XXYLT1: variants seen among roughly 807,000 people sequenced by gnomAD.
XXYLT1 encodes the protein UDP-xylose:alpha-xyloside alpha-1,3-xylosyltransferase.
XXYLT1 carries 20 observed loss-of-function variants against 28.9 expected under a neutral mutation model. The observed-to-expected ratio is 0.69, with a 90% CI of 0.49 to 1.00. The LOEUF (loss-of-function observed/expected upper bound fraction) is 1.00. Ranked by LOEUF, XXYLT1 falls within the 50% of genes least tolerant of loss-of-function variation. XXYLT1 has a pLI of 0.00. For missense variants in XXYLT1, 542 were observed against 560.1 expected (o/e 0.97, Z 0.33); for synonymous variants, 257 against 253.8 (o/e 1.01, Z -0.12).
chr3:195,108,789 C>A (rs1415663083), intron 3 of XXYLT1, among the ~76,000 whole-genome samples: 1 of 152,182 alleles, frequency 6.6e-6, no homozygotes, highest in African/African-American at 2.4e-5. Context: ...ACGGGACCAC[C>A]ATCATATATT....
In XXYLT1 at chr3:195,176,744, T is replaced by C. The variant is rs1280989685; in HGVS notation, c.653-20163A>G. ...GGACTCTAAACATGCAAAAGGCAGA[T>C]GTTTGGGGTTGGAATTGACAATATG... On this transcript the variant is annotated intron_variant, in intron 2 of 3. Coordinates refer to ENST00000310380, the MANE Select transcript of XXYLT1 (RefSeq NM_152531.5). This position sits in a 1 kb window ranked among gnomAD's most constrained non-coding sequence, Gnocchi z 4.9. Among the ~76,000 whole-genome samples the C allele has an allele frequency of 6.6e-6, 1 of 152,128 alleles. No individual in the cohort carries two copies. Among genetic ancestry groups the C allele is most frequent in the Admixed American group, 6.5e-5 (1 of 15,278 alleles).
chr3:195,074,870 C>T (rs1027439805), intron 3 of XXYLT1, among the ~76,000 whole-genome samples: 3 of 152,226 alleles, frequency 2.0e-5, no homozygotes, highest in African/African-American at 7.2e-5. Flanking sequence ...TCCTTACTGC[C>T]AGCTCAGAAC....
intron 2 of XXYLT1, among the ~76,000 whole-genome samples, chr3:195,214,588 A>AG (rs1723477409): frequency 6.6e-6 from 1 of 152,136 alleles, no homozygotes; most frequent in Non-Finnish European, 1.5e-5. Flanking sequence ...CCACAATCGT[A>AG]GGGGGGCAGT....
Position 195,220,892 on chromosome 3 carries a change from C to T in XXYLT1, c.652+5817G>A, listed in dbSNP as rs141077672. 7.8e-4 allele frequency among the ~76,000 whole-genome samples: 118 copies of T among 152,244 alleles called. 1 individual carries two copies. The East Asian group carries it at 0.022, about 28-fold the overall frequency. On this transcript the variant is annotated intron_variant, in intron 2 of 3. Transcript: ENST00000310380. ...GCATGGATGACATAGAGTGACTTCC[C>T]TCCAAAGAATATAGTATGGCAAGGG...
intron 3 of XXYLT1, among the ~76,000 whole-genome samples, chr3:195,140,904 G>A (rs561230126): frequency 3.3e-5 from 5 of 152,224 alleles, no homozygotes; most frequent in East Asian, 3.9e-4. Context: ...GATGGTATTC[G>A]GGGGATTTGG....
chr3:195,185,162 A>G (rs1722139715), intron 2 of XXYLT1, among the ~76,000 whole-genome samples: 1 of 151,810 alleles, frequency 6.6e-6, no homozygotes, highest in Non-Finnish European at 1.5e-5. Context: ...AAAAAGAAAA[A>G]GAAAAGGAAA....
intron 1 of XXYLT1, among the ~76,000 whole-genome samples, chr3:195,242,628 G>A (rs893657445): frequency 6.6e-6 from 1 of 152,186 alleles, no homozygotes; most frequent in African/African-American, 2.4e-5. Flanking sequence ...AAAAGCGGGG[G>A]TTCACATGGG....
chr3:195,176,635 T>C lies in XXYLT1; in HGVS notation c.653-20054A>G, dbSNP rs548824512. ...TTCCTCATGTTTGGAGATACATTGATGTTGATGAGGCTGGAGAGCTGGAGG... is the reference window on the plus strand; with the variant it reads ...TTCCTCATGTTTGGAGATACATTGACGTTGATGAGGCTGGAGAGCTGGAGG... On this transcript the variant is annotated intron_variant, in intron 2 of 3. Coordinates refer to ENST00000310380, the MANE Select transcript of XXYLT1 (RefSeq NM_152531.5). This position sits in a 1 kb window ranked among gnomAD's most constrained non-coding sequence, Gnocchi z 4.9. Among the ~76,000 whole-genome samples the C allele has an allele frequency of 1.3e-5, 2 of 152,308 alleles. No individual in the cohort carries two copies. The highest frequency in any genetic ancestry group is 2.9e-5 in the Non-Finnish European group (2 of 68,028).
At chr3:195,082,742 G>A (rs1055238373) in intron 3 of XXYLT1, among the ~76,000 whole-genome samples, 4 of 152,132 alleles carry the variant, frequency 2.6e-5, no homozygotes, top group Admixed American at 2.0e-4. Flanking sequence ...CCAGCTACTC[G>A]GGAGGCTGAG....
At chr3:195,101,893 A>G (rs183568146) in intron 3 of XXYLT1, among the ~76,000 whole-genome samples, 2 of 135,086 alleles carry the variant, frequency 1.5e-5, no homozygotes, top group South Asian at 2.8e-4. Context: ...AGGAAGAAAC[A>G]AAGAGGAACG....
In XXYLT1 at chr3:195,270,926, G is replaced by A; in HGVS notation, c.133C>T (p.Arg45Trp). The A allele has an allele frequency of 1.3e-6, 2 of 1,487,792 alleles. No individual in the cohort carries two copies. Among genetic ancestry groups the A allele is most frequent in the Non-Finnish European group, 1.8e-6 (2 of 1,121,216 alleles). 92.2% of individuals were successfully genotyped at this position (1,487,792 alleles called of 1,614,324 possible). A position where few individuals can be genotyped will look rare whatever the true frequency, so the allele number is the denominator to read the frequency against. ...VCAFYYLGSG[R>W]ETFSSATKRL... The stretch of plus-strand genomic sequence containing the variant: ...TTGGTGGCGCTGGAGAAGGTCTCCC[G>A]GCCTGAGCCGAGGTAGTAGAAGGCG... Residue 45 changes from arginine to tryptophan, a missense_variant, in exon 1 of 4, where the codon CGG (arginine) becomes TGG (tryptophan). Physicochemically the swap from Arg to Trp is moderately radical, Grantham distance 101. Transcript: ENST00000310380.
intron 3 of XXYLT1, among the ~76,000 whole-genome samples, chr3:195,109,595 T>TGG: frequency 1.4e-5 from 1 of 73,114 alleles, no homozygotes; most frequent in Non-Finnish European, 3.2e-5. Flanking sequence ...TGAGTGCACG[T>TGG]GTGTGTGGTG....
rs1722599116 is a variant in XXYLT1, at chr3:195,195,736, A to C, written c.652+30973T>G. Among the ~76,000 whole-genome samples the C allele has an allele frequency of 6.6e-6, 1 of 152,128 alleles. No homozygotes were observed. Among genetic ancestry groups the C allele is most frequent in the Non-Finnish European group, 1.5e-5 (1 of 68,014 alleles). On this transcript the variant is annotated intron_variant, in intron 2 of 3. Transcript: ENST00000310380. This position sits in a 1 kb window ranked among gnomAD's most constrained non-coding sequence, Gnocchi z 4.4. Reference sequence around the variant, plus strand: ...AGGGCCCGGGCAGTGCCGTGCTGGGAATGCTCTTCCTGCACCCCAGCTGGA... The same window carrying C: ...AGGGCCCGGGCAGTGCCGTGCTGGGCATGCTCTTCCTGCACCCCAGCTGGA...
chr3:195,114,822 C>T (rs1162967129), intron 3 of XXYLT1, among the ~76,000 whole-genome samples: 1 of 152,240 alleles, frequency 6.6e-6, no homozygotes, highest in African/African-American at 2.4e-5. Flanking sequence ...AGCAGTCTTA[C>T]AGGCTTAGAA....
intron 1 of XXYLT1, among the ~76,000 whole-genome samples, chr3:195,230,354 T>G (rs1724246419): frequency 6.6e-6 from 1 of 152,216 alleles, no homozygotes; most frequent in African/African-American, 2.4e-5. Flanking sequence ...CTTTGCTGAT[T>G]GTTTCCTTCA....
chr3:195,090,950 G>A (rs1169474752), intron 3 of XXYLT1, among the ~76,000 whole-genome samples: 40 of 151,710 alleles, frequency 2.6e-4, no homozygotes, highest in South Asian at 8.3e-4. Context: ...ATTCCTCGAC[G>A]TATACACTCT....
intron 2 of XXYLT1, among the ~76,000 whole-genome samples, chr3:195,175,355 A>G (rs927342709): frequency 5.9e-5 from 9 of 152,254 alleles, no homozygotes. Context: ...AGAAGCTCTC[A>G]GGAGACATGT....
intron 1 of XXYLT1, among the ~76,000 whole-genome samples, chr3:195,234,136 C>T (rs1221677035): frequency 2.2e-4 from 33 of 150,704 alleles, no homozygotes; most frequent in African/African-American, 6.4e-4. Flanking sequence ...CCAGGATGGT[C>T]TCGATCTCCT....
chr3:195,090,883 A>G (rs58437745), intron 3 of XXYLT1, among the ~76,000 whole-genome samples: 45,202 of 151,260 alleles, frequency 0.3, 7,844 homozygotes, highest in East Asian at 0.52. Context: ...CTACCATCAG[A>G]GAATACTACA....
Sources: allele counts gnomAD v4.1 joint callset (sites outside exome capture counted in the v4.1 genomes callset), GRCh38; gene constraint gnomAD v4.1.1; non-coding constraint Gnocchi (gnomAD v3.1); transcripts MANE v1.5; gene names NCBI Gene and HGNC (gene_info 2026-07-23, HGNC 2026-07-21).